Variants in MYH13 observed in about 807,000 individuals in gnomAD.
The protein encoded by MYH13 is myosin-13.
A neutral mutation model predicts 232.1 loss-of-function variants in MYH13; 177 were observed. The ratio of observed to expected loss-of-function variants is 0.76; its 90% CI spans 0.67 to 0.86. The LOEUF (loss-of-function observed/expected upper bound fraction) is 0.86. Ranked by LOEUF, MYH13 falls within the 40% of genes least tolerant of loss-of-function variation. The pLI is 0.00. For missense variants in MYH13, 2,246 were observed against 2,405.9 expected (o/e 0.93, Z 1.39); for synonymous variants, 884 against 923.5 (o/e 0.96, Z 0.78).
At chr17:10,349,385 C>A (rs1215908639) in intron 12 of MYH13, among the ~76,000 whole-genome samples, 2 of 151,990 alleles carry the variant, frequency 1.3e-5, no homozygotes, top group Non-Finnish European at 2.9e-5. Context: ...CAGGCGTGAG[C>A]TGCTGTGCCC....
At position 10,306,475 on chromosome 17, in the gene MYH13, T is replaced by C. The variant is rs756716302; in HGVS notation, c.5450A>G (p.Gln1817Arg). Residue 1817 changes from glutamine to arginine, a missense_variant, in exon 37 of 41, where the codon CAG (glutamine) becomes CGG (arginine). Gln to Arg is a conservative substitution (Grantham distance 43, BLOSUM62 1). Coordinates refer to ENST00000252172, the MANE Select transcript of MYH13 (RefSeq NM_003802.3). This position sits in a 1 kb window ranked among gnomAD's most constrained non-coding sequence, Gnocchi z 4.3. Reference sequence around the variant, plus strand: ...AAACTCTACCCGGTTCTCCAGTTTCTGGATCTGCTTCTTCCCGCCCTTCAG... The same window carrying C: ...AAACTCTACCCGGTTCTCCAGTTTCCGGATCTGCTTCTTCCCGCCCTTCAG... ...LALKGGKKQI[Q>R]KLENRVRELE... 2 of 1,614,204 alleles carry C rather than the reference T, an allele frequency of 1.2e-6. No homozygotes were observed. The highest frequency in any genetic ancestry group is 1.1e-5 in the South Asian group (1 of 91,084).
chr17:10,335,803 T>C (rs2071570043), intron 18 of MYH13, among the ~76,000 whole-genome samples: 2 of 151,880 alleles, frequency 1.3e-5, no homozygotes, highest in Admixed American at 6.6e-5. Context: ...GTTAAAATGG[T>C]GAAAGCAGGC....
chr17:10,310,603 C>T (rs1906476197), intron 33 of MYH13, among the ~76,000 whole-genome samples: 1 of 152,022 alleles, frequency 6.6e-6, no homozygotes, highest in Non-Finnish European at 1.5e-5. Context: ...ATAATAGTGA[C>T]CATAAATCAG....
intron 37 of MYH13, among the ~76,000 whole-genome samples, chr17:10,305,919 A>T (rs1347583445): frequency 6.6e-6 from 1 of 152,174 alleles, no homozygotes; most frequent in African/African-American, 2.4e-5. Flanking sequence ...GGAGCAAGAG[A>T]CATACCTGTG....
At chr17:10,302,361 C>G (rs1906123756) in intron 39 of MYH13, among the ~76,000 whole-genome samples, 1 of 152,032 alleles carries the variant, frequency 6.6e-6, no homozygotes. Context: ...GAACAGTAGC[C>G]CTGAGGGATG....
rs373425936 is a variant in MYH13, at chr17:10,312,716, G to A, written c.4223C>T (p.Thr1408Met). The change falls in exon 31 of 41, where the codon ACG becomes ATG. Residue 1408 changes from threonine (T) to methionine (M), a missense_variant. Transcript: ENST00000252172. ...TGCGCACTTGGAGTTCGCCGTCTCC[G>A]TGTTCTCCTCTGCTTCCTGGAGCCT... ...AQRLQEAEENTETANSKCASL... is the reference protein window; with the variant it reads ...AQRLQEAEENMETANSKCASL... 4.6e-5 allele frequency: 75 copies of A among 1,613,382 alleles called. No homozygotes were observed. The highest frequency in any genetic ancestry group is 3.5e-4 in the Admixed American group (21 of 59,940).
chr17:10,319,716 A>G (rs1475019681), intron 26 of MYH13, among the ~76,000 whole-genome samples: 1 of 152,176 alleles, frequency 6.6e-6, no homozygotes, highest in Non-Finnish European at 1.5e-5. Flanking sequence ...TTGCAGAGTG[A>G]TACTCTCAGT....
At chr17:10,368,999 G>A (rs182928557) in intron 2 of MYH13, among the ~76,000 whole-genome samples, 1 of 152,308 alleles carries the variant, frequency 6.6e-6, no homozygotes, top group African/African-American at 2.4e-5. Context: ...TTGCTTGTAT[G>A]AAACTACTCT....
Position 10,350,580 on chromosome 17 carries a change from G to T in MYH13, c.1120C>A (p.Gln374Lys), listed in dbSNP as rs751347030. ...CCTTCGGTGCCGTCTGGCTCCGCCT[G>T]CTCCTCACGCTGCTTCTGCTTGAAC... ...MKFKQKQREE[Q>K]AEPDGTEVAD... The change falls in exon 12 of 41, where the codon CAG (glutamine) becomes AAG (lysine). Residue 374 changes from glutamine to lysine, a missense_variant. Gln to Lys is a moderately conservative substitution (Grantham distance 53). Transcript: ENST00000252172. The T allele has an allele frequency of 6.2e-7, 1 of 1,613,180 alleles. No homozygotes were observed. The highest frequency in any genetic ancestry group is 8.5e-7 in the Non-Finnish European group (1 of 1,179,952).
chr17:10,359,637 G>T (rs2071776125), intron 7 of MYH13, among the ~76,000 whole-genome samples: 1 of 152,140 alleles, frequency 6.6e-6, no homozygotes. Context: ...CTGGTCCCTG[G>T]TATCCAAAGT....
At chr17:10,302,324 G>C (rs1407866038) in intron 39 of MYH13, among the ~76,000 whole-genome samples, 2 of 152,142 alleles carry the variant, frequency 1.3e-5, no homozygotes, top group East Asian at 1.9e-4. Context: ...TTTGTCCAGG[G>C]CAGACTCCCC....
chr17:10,345,499 C>A lies in MYH13; in HGVS notation c.1381G>T (p.Val461Phe), dbSNP rs746592925. Residue 461 changes from valine (V) to phenylalanine (F), a missense_variant, in exon 14 of 41, where the codon GTC (valine) becomes TTC (phenylalanine). Physicochemically the swap from Val to Phe is conservative, Grantham distance 50 (BLOSUM62 -1). Coordinates refer to ENST00000252172, the MANE Select transcript of MYH13 (RefSeq NM_003802.3). ...TKQPRQYFIG[V>F]LDIAGFEIFD... ...ATCTCAAAGCCAGCAATGTCCAAGA[C>A]CCCGATGAAGTACTGCCTGGGCTGC... 6.2e-7 allele frequency: 1 copy of A among 1,614,172 alleles called. No individual in the cohort carries two copies. The highest frequency in any genetic ancestry group is 2.2e-5 in the East Asian group (1 of 44,880).
intron 5 of MYH13, 99 bp from the exon 6 acceptor site, chr17:10,360,287 T>A: frequency 7.3e-7 from 1 of 1,377,720 alleles, no homozygotes; most frequent in Non-Finnish European, 1.0e-6. Context: ...AGGCTCTAGT[T>A]AATGTCTTTG....
chr17:10,322,460 G>T (rs1906989233), intron 23 of MYH13, among the ~76,000 whole-genome samples: 1 of 152,114 alleles, frequency 6.6e-6, no homozygotes, highest in Non-Finnish European at 1.5e-5. Context: ...TCAGGAAGCA[G>T]GAGGAGGGCA....
chr17:10,362,481 T>C lies in MYH13; in HGVS notation c.227A>G (p.Gln76Arg), dbSNP rs754477807. 3 of 1,614,152 alleles carry C rather than the reference T, an allele frequency of 1.9e-6. No homozygotes were observed. The highest frequency in any genetic ancestry group is 2.5e-6 in the Non-Finnish European group (3 of 1,180,030). Residue 76 changes from glutamine to arginine, a missense_variant, in exon 4 of 41, where the codon CAG becomes CGG. Coordinates refer to ENST00000252172, the MANE Select transcript of MYH13 (RefSeq NM_003802.3). ...TTTGGGAGGGTTCATGGGGAAGACC[T>C]GGTCATTGTTCAGAGTGAGCATCTG... is the stretch of plus-strand genomic sequence containing the variant. The part of the protein sequence containing the change: ...DDRMLTLNND[Q>R]VFPMNPPKFD...
intron 16 of MYH13, chr17:10,340,931 G>T (rs1416779895): frequency 6.6e-6 from 1 of 152,216 alleles, no homozygotes; most frequent in African/African-American, 2.4e-5. Flanking sequence ...CAGTAGAAAA[G>T]GGGAGTCCTT....
intron 23 of MYH13, among the ~76,000 whole-genome samples, chr17:10,323,511 A>T (rs4791977): frequency 0.17 from 25,329 of 151,894 alleles, 2,284 homozygotes; most frequent in African/African-American, 0.23. Flanking sequence ...TAATCCAAGC[A>T]CTTTGAGAGG....
In MYH13 at chr17:10,309,527, G is replaced by A. The variant is rs199716200; in HGVS notation, c.4960C>T (p.Leu1654Phe). 1.7e-4 allele frequency: 269 copies of A among 1,605,802 alleles called. No homozygotes were observed. The African/African-American group carries it at 3.1e-3, about 19-fold the overall frequency. Reference sequence around the variant, plus strand: ...GAGGCGGCCACCGTGCTCACCTTGAGCTGGCCCTGGACCGTGCGCAGATGC... The same window carrying A: ...GAGGCGGCCACCGTGCTCACCTTGAACTGGCCCTGGACCGTGCGCAGATGC... ...QKHLRTVQGQ[L>F]KDSQLHLDDA... The change falls in exon 34 of 41, where the codon CTC (leucine) becomes TTC (phenylalanine). Residue 1654 changes from leucine (L) to phenylalanine (F), a missense_variant. Coordinates refer to ENST00000252172, the MANE Select transcript of MYH13 (RefSeq NM_003802.3).
chr17:10,305,911 A>G (rs1906264778), intron 37 of MYH13, among the ~76,000 whole-genome samples: 1 of 152,174 alleles, frequency 6.6e-6, no homozygotes, highest in Non-Finnish European at 1.5e-5. Context: ...TTGGGGCTGG[A>G]GCAAGAGACA....
Sources: gnomAD v4.1 joint callset for allele counts (sites outside exome capture counted in the v4.1 genomes callset) on GRCh38, gnomAD v4.1.1 for gene constraint, Gnocchi (gnomAD v3.1) non-coding constraint, MANE v1.5 for transcripts, NCBI Gene and HGNC (gene_info 2026-07-23, HGNC 2026-07-21) for gene names.